SCFD2: variants seen among roughly 807,000 people sequenced by gnomAD.
SCFD2 encodes the protein sec1 family domain containing 2, also known as sec1 family domain-containing protein 2.
Under a neutral mutation model 58.9 loss-of-function variants are expected in SCFD2, and 54 were observed. That is an observed-to-expected ratio of 0.92 (90% confidence interval 0.74 to 1.15). The LOEUF is 1.15. SCFD2 is among the 50% of genes most tolerant of loss of function. The pLI is 0.00. For missense variants in SCFD2, 805 were observed against 836.6 expected, an observed-to-expected ratio of 0.96 and a Z score of 0.47; for synonymous variants, 321 against 335.9, an observed-to-expected ratio of 0.96 and a Z score of 0.49.
intron 4 of SCFD2, among the ~76,000 whole-genome samples, chr4:53,176,643 G>C (rs1727339066): frequency 6.6e-6 from 1 of 152,136 alleles, no homozygotes; most frequent in African/African-American, 2.4e-5. Context: ...CTGACAGTTG[G>C]GTGGGTCAGA....
chr4:53,295,423 T>G (rs1222717412), intron 3 of SCFD2, among the ~76,000 whole-genome samples: 8 of 152,226 alleles, frequency 5.3e-5, no homozygotes, highest in Admixed American at 6.5e-5. Context: ...AGTTCATTCA[T>G]GATTTGGCTC....
chr4:52,969,657 T>G (rs77592782), intron 5 of SCFD2, among the ~76,000 whole-genome samples: 2,575 of 152,292 alleles, frequency 0.017, 36 homozygotes, highest in Non-Finnish European at 0.026. Flanking sequence ...TCAGTGATTG[T>G]GGAAGTGTGT....
At position 53,145,591 on chromosome 4, in the gene SCFD2, A is replaced by G; in HGVS notation, c.1312-9T>C. 1 of 1,605,790 alleles carries G rather than the reference A, an allele frequency of 6.2e-7. No homozygotes were observed. The highest frequency in any genetic ancestry group is 1.3e-5 in the African/African-American group (1 of 74,506). The stretch of plus-strand genomic sequence containing the variant: ...GCTGACTCCCCAATGCTCTAAAATA[A>G]AAAATGATATGAAAATATGTCAATC... On this transcript the variant is annotated splice_polypyrimidine_tract_variant and intron_variant, in intron 4 of 8. Transcript: ENST00000401642.
chr4:53,205,523 A>T (rs1289488727), intron 4 of SCFD2, among the ~76,000 whole-genome samples: 1 of 152,134 alleles, frequency 6.6e-6, no homozygotes, highest in East Asian at 1.9e-4. Flanking sequence ...AACAAACCAC[A>T]AAACTGCTTG....
At chr4:53,308,334 T>C (rs1286934460) in intron 3 of SCFD2, among the ~76,000 whole-genome samples, 2 of 152,216 alleles carry the variant, frequency 1.3e-5, no homozygotes, top group African/African-American at 4.8e-5. Flanking sequence ...AATCAGTATA[T>C]GTCTCTTATG....
intron 4 of SCFD2, among the ~76,000 whole-genome samples, chr4:53,238,357 A>C (rs1174404570): frequency 1.1e-5 from 1 of 92,522 alleles, no homozygotes; most frequent in African/African-American, 4.4e-5. Flanking sequence ...GCGGGGGCTG[A>C]TGCCCCCACC....
At chr4:52,983,682 A>G (rs892108231) in intron 5 of SCFD2, among the ~76,000 whole-genome samples, 1 of 152,186 alleles carries the variant, frequency 6.6e-6, no homozygotes, top group Non-Finnish European at 1.5e-5. Context: ...TAATTTGCCT[A>G]TTCTAATTTA....
At chr4:53,355,172 A>G (rs1734364604) in intron 1 of SCFD2, among the ~76,000 whole-genome samples, 1 of 152,228 alleles carries the variant, frequency 6.6e-6, no homozygotes, top group Admixed American at 6.5e-5. Context: ...TAAGAGCTCA[A>G]TACATATATT....
chr4:53,319,486 T>C (rs1457060483), intron 2 of SCFD2, among the ~76,000 whole-genome samples: 2 of 152,040 alleles, frequency 1.3e-5, no homozygotes, highest in African/African-American at 2.4e-5. Flanking sequence ...TCTAACTCTA[T>C]GTACAACATG....
chr4:52,933,575 T>A (rs1326079798), intron 5 of SCFD2, among the ~76,000 whole-genome samples: 3 of 152,072 alleles, frequency 2.0e-5, no homozygotes, highest in African/African-American at 7.2e-5. Flanking sequence ...GCTCTTTCCT[T>A]CTGCAGGATG....
intron 2 of SCFD2, among the ~76,000 whole-genome samples, chr4:53,346,916 T>G (rs904630504): frequency 6.6e-6 from 1 of 152,200 alleles, no homozygotes; most frequent in Non-Finnish European, 1.5e-5. Flanking sequence ...CCAATGTCTA[T>G]TTATTTTTAA....
intron 5 of SCFD2, among the ~76,000 whole-genome samples, chr4:52,940,896 C>A (rs974671811): frequency 3.3e-5 from 5 of 152,108 alleles, no homozygotes; most frequent in Admixed American, 2.6e-4. Flanking sequence ...CCCTTGGGCA[C>A]GCTCTTTCCA....
intron 4 of SCFD2, among the ~76,000 whole-genome samples, chr4:53,209,299 G>T (rs1454403581): frequency 1.3e-5 from 2 of 152,122 alleles, no homozygotes; most frequent in Non-Finnish European, 2.9e-5. Flanking sequence ...CACTAGATGA[G>T]GGGGCGGCAG....
intron 3 of SCFD2, among the ~76,000 whole-genome samples, chr4:53,280,823 T>A (rs1015823400): frequency 2.0e-5 from 3 of 152,180 alleles, no homozygotes; most frequent in Non-Finnish European, 4.4e-5. Flanking sequence ...AAAACTCTGG[T>A]TTATTAGTTC....
At chr4:53,177,408 G>A (rs141611829) in intron 4 of SCFD2, among the ~76,000 whole-genome samples, 1 of 149,080 alleles carries the variant, frequency 6.7e-6, no homozygotes, top group East Asian at 2.0e-4. Context: ...AGTGGGTTAG[G>A]AGAAGGGAGA....
intron 5 of SCFD2, among the ~76,000 whole-genome samples, chr4:53,038,925 A>G (rs1328041138): frequency 6.6e-6 from 1 of 152,124 alleles, no homozygotes; most frequent in Non-Finnish European, 1.5e-5. Context: ...TTTTGGCTCA[A>G]GTGATCCTCC....
chr4:53,330,551 A>AC (rs1410122877), intron 2 of SCFD2, among the ~76,000 whole-genome samples: 3 of 152,204 alleles, frequency 2.0e-5, no homozygotes, highest in African/African-American at 7.2e-5. Flanking sequence ...ATGCTGAGAG[A>AC]TTTTGTCACC....
intron 5 of SCFD2, among the ~76,000 whole-genome samples, chr4:53,108,337 T>G (rs1160625223): frequency 1.3e-5 from 2 of 151,338 alleles, no homozygotes; most frequent in Admixed American, 6.6e-5. Flanking sequence ...GCAAACAAAT[T>G]CAAAAGCTAA....
intron 2 of SCFD2, among the ~76,000 whole-genome samples, chr4:53,343,513 C>A (rs1392039776): frequency 6.6e-6 from 1 of 152,190 alleles, no homozygotes; most frequent in African/African-American, 2.4e-5. Flanking sequence ...CATCCAAAGT[C>A]CACCAGAGGT....
Sources: allele counts gnomAD v4.1 joint callset (sites outside exome capture counted in the v4.1 genomes callset), GRCh38; gene constraint gnomAD v4.1.1; transcripts MANE v1.5; gene names NCBI Gene and HGNC (gene_info 2026-07-23, HGNC 2026-07-21).